The following ATL3 variants were observed in gnomAD, a reference collection of about 807,000 sequenced individuals.
ATL3 encodes the protein atlastin GTPase 3.
ATL3 carries 49 observed loss-of-function variants against 69.5 expected under a neutral mutation model. The ratio of observed to expected loss-of-function variants is 0.71; its 90% CI spans 0.56 to 0.89. The LOEUF (loss-of-function observed/expected upper bound fraction) is 0.89, where lower values mean the gene tolerates loss of function less well. Ranked by LOEUF, ATL3 falls within the 40% of genes least tolerant of loss-of-function variation. The pLI is 0.00. For synonymous variants in ATL3, 214 were observed against 224.1 expected (o/e 0.95, Z 0.40); for missense variants, 606 against 645.7 (o/e 0.94, Z 0.67).
chr11:63,632,229 G>C (rs562063565), intron 11 of ATL3: 20 of 684,940 alleles, frequency 2.9e-5, no homozygotes, highest in South Asian at 2.8e-4. Context: ...ACTATGCTTC[G>C]TGGTGCTCTG....
intron 3 of ATL3, among the ~76,000 whole-genome samples, chr11:63,655,300 G>A (rs996432305): frequency 2.6e-5 from 4 of 152,002 alleles, no homozygotes; most frequent in South Asian, 4.2e-4. Flanking sequence ...ACAGGTGGGC[G>A]CCACCACGCC....
intron 8 of ATL3, chr11:63,637,735 G>A (rs1939566870): frequency 6.6e-6 from 1 of 152,102 alleles, no homozygotes; most frequent in Admixed American, 6.5e-5. Context: ...AAAAAAAGCA[G>A]GTAGGAGCCC....
chr11:63,671,590 T>G (rs909429388), upstream of ATL3: 14 of 1,419,080 alleles, frequency 9.9e-6, no homozygotes, highest in Admixed American at 3.3e-4. Context: ...CGCGGCAGAA[T>G]CCCGCCACCG....
At chr11:63,630,966 CTG>C (rs1939293126) in intron 12 of ATL3, 72 bp downstream of exon 12, 1 of 1,456,966 alleles carries the variant, frequency 6.9e-7, no homozygotes, top group Non-Finnish European at 9.2e-7. Flanking sequence ...TTCTTCCAAA[CTG>C]AGATATTTTA....
In ATL3 at chr11:63,628,065, TTC is replaced by T. The variant is rs1412315222; in HGVS notation, c.*1252_*1253del. 6.6e-6 allele frequency: 1 copy of T among 152,166 alleles called. No homozygotes were observed. Among genetic ancestry groups the T allele is most frequent in the African/African-American group, 2.4e-5 (1 of 41,442 alleles). 9.4% of individuals were successfully genotyped at this position (152,166 alleles called of 1,614,324 possible). ...ATCTTCCCTCTAATCCTTAATAAAG[TTC>T]TGTTCTTATGCAGAACTCTCAAAAA... On this transcript the variant is annotated 3_prime_UTR_variant, in exon 13 of 13. Transcript: ENST00000398868.
chr11:63,651,800 A>G lies in ATL3; in HGVS notation c.561+136T>C, dbSNP rs1313854862. On this transcript the variant is annotated intron_variant, in intron 5 of 12. Transcript: ENST00000398868. ...CTCCACCCCACCAATGGCTATACAT[A>G]GTATAGAATTACTATGAACCAAAAA... is the stretch of plus-strand genomic sequence containing the variant. 3 of 1,255,242 alleles carry G rather than the reference A, an allele frequency of 2.4e-6. No individual in the cohort carries two copies. In the African/African-American group the frequency reaches 4.7e-5, roughly 19 times the overall value. The allele number at this position is 1,255,242 out of a possible 1,614,324, so 77.8% of individuals were successfully genotyped here.
chr11:63,651,852 T>C, intron 5 of ATL3, 84 bp downstream of exon 5: 1 of 1,488,336 alleles, frequency 6.7e-7, no homozygotes. Flanking sequence ...AATCTTTTGC[T>C]AAAAACTACT....
chr11:63,671,178 CA>C, intron 1 of ATL3, 111 bp downstream of exon 1: 1 of 1,436,838 alleles, frequency 7.0e-7, no homozygotes, highest in South Asian at 1.4e-5. Flanking sequence ...CGCGCGGTCC[CA>C]GCCCCGGGAC....
At chr11:63,639,857 A>T (rs1225577626) in intron 8 of ATL3, among the ~76,000 whole-genome samples, 1 of 152,172 alleles carries the variant, frequency 6.6e-6, no homozygotes, top group Non-Finnish European at 1.5e-5. Flanking sequence ...ATGCTACTCC[A>T]CTATCTTTCT....
At chr11:63,671,412 CTG>C, upstream of ATL3, 2 of 1,519,832 alleles carry the variant, frequency 1.3e-6, no homozygotes, top group Middle Eastern at 1.8e-4. Context: ...GAACCGGGCC[CTG>C]GAAGCGGGAA....
At chr11:63,633,764 C>T (rs1014775533) in intron 10 of ATL3, among the ~76,000 whole-genome samples, 1 of 150,524 alleles carries the variant, frequency 6.6e-6, no homozygotes, top group African/African-American at 2.4e-5. Context: ...TGGTGGCTCA[C>T]GCCTGTAATC....
chr11:63,670,037 C>A (rs902814008), intron 1 of ATL3, among the ~76,000 whole-genome samples: 2 of 152,038 alleles, frequency 1.3e-5, no homozygotes, highest in Non-Finnish European at 2.9e-5. Flanking sequence ...ACCCAGGAAG[C>A]GGAGGTTGCA....
upstream of ATL3, chr11:63,671,736 G>A: frequency 8.1e-7 from 1 of 1,229,994 alleles, no homozygotes; most frequent in Non-Finnish European, 1.0e-6. Flanking sequence ...CATCTGGGGC[G>A]GGGCTTGGCG....
chr11:63,670,949 G>A (rs959843326), intron 1 of ATL3, among the ~76,000 whole-genome samples: 3 of 151,990 alleles, frequency 2.0e-5, no homozygotes, highest in African/African-American at 7.2e-5. Flanking sequence ...CCGAAGCTCC[G>A]GACGCCGCCC....
At chr11:63,644,020 G>C in intron 7 of ATL3, 149 bp downstream of exon 7, 1 of 603,478 alleles carries the variant, frequency 1.7e-6, no homozygotes, top group Non-Finnish European at 2.9e-6. Context: ...ATCTTGTCAA[G>C]AATAAATATT....
rs2959881 is a variant in ATL3, at chr11:63,671,035, A to G, written c.46+255T>C. On this transcript the variant is annotated intron_variant, in intron 1 of 12. Coordinates refer to ENST00000398868, the MANE Select transcript of ATL3 (RefSeq NM_015459.5). ...AGGAGCTGGAGGAGCCCCCGGCGGCACCAGGGCCCGAGCCCTGACGGCGGC... is the reference window on the plus strand; with the variant it reads ...AGGAGCTGGAGGAGCCCCCGGCGGCGCCAGGGCCCGAGCCCTGACGGCGGC... Among the ~76,000 whole-genome samples, 20,869 of 152,126 alleles carry G rather than the reference A, an allele frequency of 0.14. 1,553 individuals are homozygous for G. The highest frequency in any genetic ancestry group is 0.17 in the African/African-American group (6,982 of 41,526).
At chr11:63,636,769 G>T (rs927469918) in intron 8 of ATL3, among the ~76,000 whole-genome samples, 1 of 150,316 alleles carries the variant, frequency 6.7e-6, no homozygotes, top group African/African-American at 2.4e-5. Flanking sequence ...TGGGAGAGAA[G>T]AAGGGGTCTG....
At chr11:63,648,074 G>GT (rs754527147) in intron 5 of ATL3, among the ~76,000 whole-genome samples, 8 of 152,120 alleles carry the variant, frequency 5.3e-5, no homozygotes, top group Non-Finnish European at 1.0e-4. Flanking sequence ...TCTAACTGCC[G>GT]TATTTTTCCT....
chr11:63,635,479 C>T, intron 10 of ATL3, 55 bp downstream of exon 10: 1 of 1,410,522 alleles, frequency 7.1e-7, no homozygotes, highest in Non-Finnish European at 1.0e-6. Flanking sequence ...TTATTGTATA[C>T]AGGTCAACTC....
Sources: allele counts gnomAD v4.1 joint callset (sites outside exome capture counted in the v4.1 genomes callset), GRCh38; gene constraint gnomAD v4.1.1; transcripts MANE v1.5; gene names NCBI Gene and HGNC (gene_info 2026-07-23, HGNC 2026-07-21).